The following PNPLA7 variants were observed in gnomAD, a reference collection of about 807,000 sequenced individuals.
PNPLA7 encodes patatin-like phospholipase domain-containing protein 7.
Under a neutral mutation model 161.7 loss-of-function variants are expected in PNPLA7, and 153 were observed. The ratio of observed to expected loss-of-function variants is 0.95; its 90% CI spans 0.83 to 1.08. The LOEUF (loss-of-function observed/expected upper bound fraction) is 1.08. PNPLA7 is among the 50% of genes least tolerant of loss of function. The pLI, the probability that PNPLA7 is intolerant of heterozygous loss-of-function variation, is 0.00. For synonymous variants in PNPLA7, 809 were observed against 782.1 expected (o/e 1.03, Z -0.57); for missense variants, 1,739 against 1,856.6 (o/e 0.94, Z 1.16).
chr9:137,460,240 A>T lies in PNPLA7; in HGVS notation c.*153T>A, dbSNP rs1042876590. On this transcript the variant is annotated 3_prime_UTR_variant, in exon 35 of 35. Transcript: ENST00000406427. ...GTATGCAGGGCTGCTGGTACAAAGAAGAGGCCCAGAGAACCCTAACACAGC... is the reference window on the plus strand; with the variant it reads ...GTATGCAGGGCTGCTGGTACAAAGATGAGGCCCAGAGAACCCTAACACAGC... 5 of 658,716 alleles carry T rather than the reference A, an allele frequency of 7.6e-6. No homozygotes were observed. In the Admixed American group the frequency reaches 1.5e-4, roughly 19 times the overall value. 40.8% of individuals were successfully genotyped at this position (658,716 alleles called of 1,614,324 possible).
intron 9 of PNPLA7, among the ~76,000 whole-genome samples, chr9:137,522,412 G>C (rs183210225): frequency 1.3e-5 from 2 of 150,652 alleles, no homozygotes; most frequent in African/African-American, 2.5e-5. Flanking sequence ...GGATGGTCTC[G>C]ATCTCCTGAC....
intron 20 of PNPLA7, among the ~76,000 whole-genome samples, chr9:137,491,166 G>A (rs929706998): frequency 2.6e-5 from 4 of 152,178 alleles, no homozygotes; most frequent in Non-Finnish European, 1.5e-5. Flanking sequence ...GGCTGAGGGG[G>A]GGGGAATCAC....
chr9:137,477,733 C>T (rs2002003), intron 25 of PNPLA7, among the ~76,000 whole-genome samples: 6,980 of 152,312 alleles, frequency 0.046, 552 homozygotes, highest in African/African-American at 0.16. Context: ...GTGACCCACG[C>T]GCCCGGCCCA....
chr9:137,529,170 A>T (rs756330136), intron 8 of PNPLA7, among the ~76,000 whole-genome samples: 4 of 150,274 alleles, frequency 2.7e-5, no homozygotes, highest in African/African-American at 9.8e-5. Flanking sequence ...CCTAATTTTA[A>T]ATTTTTTGTA....
rs965945597 is a variant in PNPLA7 at position 137,500,071 on chromosome 9, A to G, written c.1757+620T>C. On this transcript the variant is annotated intron_variant, in intron 16 of 34. Coordinates refer to ENST00000406427, the MANE Select transcript of PNPLA7 (RefSeq NM_001098537.3). The surrounding 1 kb of genome is among the most constrained non-coding windows in gnomAD (Gnocchi z 5.5). ...CGTGGCGGCTCTGCCAGGCAGCCAC[A>G]GGCGGGCCGAGGGCAGCTCTGGGCC... 5.3e-5 allele frequency among the ~76,000 whole-genome samples: 8 copies of G among 152,250 alleles called. No individual in the cohort carries two copies. The highest frequency in any genetic ancestry group is 1.2e-4 in the Non-Finnish European group (8 of 68,036).
At position 137,542,667 on chromosome 9, in the gene PNPLA7, C is replaced by T. The variant is rs764588920; in HGVS notation, c.641G>A (p.Arg214Gln). The T allele has an allele frequency of 1.9e-5, 30 of 1,611,282 alleles. No homozygotes were observed. The East Asian group carries it at 3.6e-4, about 19-fold the overall frequency. The change falls in exon 7 of 35, where the codon CGG becomes CAG. Residue 214 changes from arginine (R) to glutamine (Q), a missense_variant. Transcript: ENST00000406427. The part of the protein sequence containing the change: ...DPSICVVQDG[R>Q]LEVCIQDTDG... ...AGTGTCCTGGATGCAGACCTCCAGC[C>T]GCCCGTCCTGCACCACACAGATGCT...
rs1836328278 is a variant in PNPLA7 at position 137,543,521 on chromosome 9, C to CG, written c.416dup (p.Pro140AlafsTer12). The CG allele has an allele frequency of 1.2e-6, 2 of 1,613,736 alleles. No homozygotes were observed. Among genetic ancestry groups the CG allele is most frequent in the Non-Finnish European group, 1.7e-6 (2 of 1,179,916 alleles). Reference sequence around the variant, plus strand: ...TGAGGTCGGCCTCCAGCAGGGAGGGCGGGGGCTCCTTGGGCTGCAGGGCCG... The same window carrying CG: ...TGAGGTCGGCCTCCAGCAGGGAGGGCGGGGGGCTCCTTGGGCTGCAGGGCCG... On this transcript the variant is annotated frameshift_variant, in exon 6 of 35. Transcript: ENST00000406427. LOFTEE classifies it high-confidence loss of function. The surrounding 1 kb of genome is among the most constrained non-coding windows in gnomAD (Gnocchi z 6.9).
intron 8 of PNPLA7, among the ~76,000 whole-genome samples, chr9:137,534,984 G>A (rs1835809464): frequency 6.6e-6 from 1 of 152,128 alleles, no homozygotes; most frequent in Non-Finnish European, 1.5e-5. Flanking sequence ...CCAACCGCAC[G>A]TTTTTTGTAA....
At position 137,462,713 on chromosome 9, in the gene PNPLA7, C is replaced by G. The variant is rs777622263; in HGVS notation, c.3464G>C (p.Arg1155Pro). 6.2e-7 allele frequency: 1 copy of G among 1,613,906 alleles called. No homozygotes were observed. The highest frequency in any genetic ancestry group is 8.5e-7 in the Non-Finnish European group (1 of 1,179,996). Residue 1155 changes from arginine (R) to proline (P), a missense_variant, in exon 30 of 35, where the codon CGC becomes CCC. By Grantham distance (103) the Arg-to-Pro change is moderately radical (BLOSUM62 -2). Around this residue, in one of 6 missense-constraint regions of PNPLA7, gnomAD observed 703 missense variants for 694.6 expected, o/e 1.01. Coordinates refer to ENST00000406427, the MANE Select transcript of PNPLA7 (RefSeq NM_001098537.3). ...ALSGWWLLWK[R>P]WNPLATKVKV... ...GACTTTCGTGGCCAAGGGGTTCCAGCGTTTCCACAGCAGCCACCACCCAGA... is the reference window on the plus strand; with the variant it reads ...GACTTTCGTGGCCAAGGGGTTCCAGGGTTTCCACAGCAGCCACCACCCAGA...
At chr9:137,507,695 G>A (rs543040091) in intron 12 of PNPLA7, among the ~76,000 whole-genome samples, 10 of 150,874 alleles carry the variant, frequency 6.6e-5, no homozygotes, top group Admixed American at 1.3e-4. Flanking sequence ...AATAAAATAC[G>A]GGGGCCAGGC....
At chr9:137,481,405 C>G (rs1449704177) in intron 21 of PNPLA7, among the ~76,000 whole-genome samples, 1 of 152,234 alleles carries the variant, frequency 6.6e-6, no homozygotes, top group Non-Finnish European at 1.5e-5. Flanking sequence ...TTCCAAAACC[C>G]AGATCATCGA....
intron 12 of PNPLA7, among the ~76,000 whole-genome samples, chr9:137,507,118 A>G (rs1833966234): frequency 6.6e-6 from 1 of 152,240 alleles, no homozygotes; most frequent in African/African-American, 2.4e-5. Flanking sequence ...GCTTACGCTG[A>G]GGGTGCGCTG....
chr9:137,524,836 GGAAT>G lies in PNPLA7; in HGVS notation c.748-1983_748-1980del, dbSNP rs1835220851. Among the ~76,000 whole-genome samples, 1 of 148,142 alleles carries G rather than the reference GGAAT, an allele frequency of 6.8e-6. No homozygotes were observed. The highest frequency in any genetic ancestry group is 2.6e-5 in the African/African-American group (1 of 38,138). On this transcript the variant is annotated intron_variant, in intron 8 of 34. Coordinates refer to ENST00000406427, the MANE Select transcript of PNPLA7 (RefSeq NM_001098537.3). The surrounding 1 kb of genome is among the most constrained non-coding windows in gnomAD (Gnocchi z 4.4). ...GAATGAGTTTCCGTGGATGCCCCGT[GGAAT>G]GAGTTTCCTTGGATGCCCCGTGGAA...
At chr9:137,480,843 G>C in intron 22 of PNPLA7, 117 bp downstream of exon 22, 2 of 1,129,416 alleles carry the variant, frequency 1.8e-6, no homozygotes, top group East Asian at 5.2e-5. Flanking sequence ...TCACACCACA[G>C]TGTGCTGGAC....
In PNPLA7 at chr9:137,540,432, A is replaced by G. The variant is rs1836131835; in HGVS notation, c.747+210T>C. Among the ~76,000 whole-genome samples the G allele has an allele frequency of 6.6e-6, 1 of 152,250 alleles. No individual in the cohort carries two copies. Among genetic ancestry groups the G allele is most frequent in the Admixed American group, 6.5e-5 (1 of 15,282 alleles). Reference sequence around the variant, plus strand: ...CATTTAAGAGACAACCAAAACCGTTAGCCACATGCCCGGCTATTCTTCAAC... The same window carrying G: ...CATTTAAGAGACAACCAAAACCGTTGGCCACATGCCCGGCTATTCTTCAAC... On this transcript the variant is annotated intron_variant, in intron 8 of 34. Transcript: ENST00000406427. The surrounding 1 kb of genome is among the most constrained non-coding windows in gnomAD (Gnocchi z 5.1).
Position 137,499,742 on chromosome 9 carries a change from A to G in PNPLA7, c.1757+949T>C, listed in dbSNP as rs1204691520. Among the ~76,000 whole-genome samples, 1 of 152,228 alleles carries G rather than the reference A, an allele frequency of 6.6e-6. No individual in the cohort carries two copies. Among genetic ancestry groups the G allele is most frequent in the African/African-American group, 2.4e-5 (1 of 41,454 alleles). ...TCGGGGTCCCCAGGCTGAAGCAGCA[A>G]CGGCGCGGTGCCATTTGCTGGATTA... On this transcript the variant is annotated intron_variant, in intron 16 of 34. Coordinates refer to ENST00000406427, the MANE Select transcript of PNPLA7 (RefSeq NM_001098537.3). The surrounding 1 kb of genome is among the most constrained non-coding windows in gnomAD (Gnocchi z 5.5).
chr9:137,496,602 T>C (rs1784380935), intron 18 of PNPLA7, among the ~76,000 whole-genome samples: 1 of 152,022 alleles, frequency 6.6e-6, no homozygotes, highest in South Asian at 2.1e-4. Flanking sequence ...TCCCAGCTAC[T>C]CCGGAGGCTG....
In PNPLA7 at chr9:137,540,811, G is replaced by A; in HGVS notation, c.667-89C>T. Reference sequence around the variant, plus strand: ...GGCTCAGCCCAGCCCAGGGCAGTGGGGCCACGGGCCTGCACCTCTGAGGCG... The same window carrying A: ...GGCTCAGCCCAGCCCAGGGCAGTGGAGCCACGGGCCTGCACCTCTGAGGCG... On this transcript the variant is annotated intron_variant, in intron 7 of 34. Coordinates refer to ENST00000406427, the MANE Select transcript of PNPLA7 (RefSeq NM_001098537.3). The surrounding 1 kb of genome is among the most constrained non-coding windows in gnomAD (Gnocchi z 5.1). 1.7e-6 allele frequency: 2 copies of A among 1,182,328 alleles called. No individual in the cohort carries two copies. The highest frequency in any genetic ancestry group is 1.3e-5 in the South Asian group (1 of 77,482). 73.2% of individuals were successfully genotyped at this position (1,182,328 alleles called of 1,614,324 possible). A position where few individuals can be genotyped will look rare whatever the true frequency, so the allele number is the denominator to read the frequency against.
chr9:137,477,150 C>T (rs1264484533), intron 25 of PNPLA7, among the ~76,000 whole-genome samples: 4 of 152,258 alleles, frequency 2.6e-5, no homozygotes, highest in East Asian at 1.9e-4. Context: ...TAGGAGGCTC[C>T]GCCCTGCCCC....
Sources: allele counts gnomAD v4.1 joint callset (sites outside exome capture counted in the v4.1 genomes callset), GRCh38; gene constraint gnomAD v4.1.1; regional missense constraint gnomAD v4.1.1; non-coding constraint Gnocchi (gnomAD v3.1); transcripts MANE v1.5; gene names NCBI Gene and HGNC (gene_info 2026-07-23, HGNC 2026-07-21).